CDH4: variants seen among roughly 807,000 people sequenced by gnomAD.
The protein encoded by CDH4 is cadherin-4.
Under a neutral mutation model 86.0 loss-of-function variants are expected in CDH4, and 33 were observed. That is an observed-to-expected ratio of 0.38 (90% CI 0.29 to 0.51). The LOEUF (loss-of-function observed/expected upper bound fraction) is 0.51. Ranked by LOEUF, CDH4 falls within the 20% of genes least tolerant of loss-of-function variation. The pLI is 0.86. For synonymous variants in CDH4, 555 were observed against 549.4 expected, an observed-to-expected ratio of 1.01 and a Z score of -0.14; for missense variants, 1,114 against 1,307.4, an observed-to-expected ratio of 0.85 and a Z score of 2.28.
chr20:61,654,771 G>C (rs1600844368), intron 2 of CDH4, among the ~76,000 whole-genome samples: 1 of 152,190 alleles, frequency 6.6e-6, no homozygotes, highest in East Asian at 1.9e-4. Flanking sequence ...AGGATGGCCA[G>C]CGCCAGTGGC....
chr20:61,438,510 C>A (rs1465563674), intron 2 of CDH4, among the ~76,000 whole-genome samples: 3 of 152,270 alleles, frequency 2.0e-5, no homozygotes, highest in East Asian at 3.9e-4. Context: ...AGACTTTTCT[C>A]TTTTATCAGG....
intron 2 of CDH4, among the ~76,000 whole-genome samples, chr20:61,532,816 A>T (rs2145643488): frequency 6.6e-6 from 1 of 152,288 alleles, no homozygotes; most frequent in East Asian, 1.9e-4. Flanking sequence ...TGTGTCCCGT[A>T]ACCAGTTCCC....
chr20:61,386,963 A>G (rs1163172615), intron 2 of CDH4, among the ~76,000 whole-genome samples: 1 of 152,266 alleles, frequency 6.6e-6, no homozygotes, highest in African/African-American at 2.4e-5. Context: ...TAAGCTGCCC[A>G]TGGGAGGAAC....
chr20:61,420,276 G>A (rs887055420), intron 2 of CDH4, among the ~76,000 whole-genome samples: 17 of 152,332 alleles, frequency 1.1e-4, no homozygotes, highest in South Asian at 2.1e-4. Context: ...GGTCAGCACC[G>A]GGGCCTGGAA....
chr20:61,792,969 GT>G (rs1979287434), intron 4 of CDH4, among the ~76,000 whole-genome samples: 1 of 150,852 alleles, frequency 6.6e-6, no homozygotes, highest in African/African-American at 2.4e-5. Context: ...TTTTGTTTTT[GT>G]TTTTGTTTTT....
At chr20:61,781,051 A>G (rs137975211) in intron 4 of CDH4, among the ~76,000 whole-genome samples, 113 of 152,368 alleles carry the variant, frequency 7.4e-4, no homozygotes, top group African/African-American at 2.7e-3. Context: ...CGAAGGACCC[A>G]GTGAAAGCAA....
chr20:61,875,118 C>A (rs553772818), intron 7 of CDH4, among the ~76,000 whole-genome samples: 1 of 152,184 alleles, frequency 6.6e-6, no homozygotes. Context: ...GCTGTGGGAC[C>A]CCCCGGGGCC....
At chr20:61,409,183 G>A (rs879681087) in intron 2 of CDH4, among the ~76,000 whole-genome samples, 7 of 152,130 alleles carry the variant, frequency 4.6e-5, no homozygotes, top group Admixed American at 1.3e-4. Flanking sequence ...GTGGCTGGGC[G>A]CCTCACCATG....
chr20:61,316,070 C>G (rs1244901932), intron 2 of CDH4, among the ~76,000 whole-genome samples: 7 of 152,094 alleles, frequency 4.6e-5, no homozygotes, highest in Admixed American at 3.9e-4. Context: ...TGGCAGCTTC[C>G]CTTTGAAGAC....
intron 3 of CDH4, among the ~76,000 whole-genome samples, chr20:61,759,608 ACTCTGGGAAAAAGT>A (rs761710530): frequency 2.9e-4 from 44 of 151,862 alleles, no homozygotes; most frequent in Non-Finnish European, 5.2e-4. Context: ...ACCACTAATG[ACTCTGGGAAAAAGT>A]AATACATTTT....
chr20:61,897,849 G>A (rs908226992), intron 8 of CDH4, among the ~76,000 whole-genome samples: 3 of 152,226 alleles, frequency 2.0e-5, no homozygotes, highest in African/African-American at 4.8e-5. Flanking sequence ...TGAGGAGTAC[G>A]CAGATATGTC....
intron 2 of CDH4, among the ~76,000 whole-genome samples, chr20:61,497,274 T>A (rs555516775): frequency 4.1e-4 from 62 of 152,310 alleles, no homozygotes; most frequent in African/African-American, 1.5e-3. Context: ...TTGTTTGCTC[T>A]GCTCTGTTTG....
intron 2 of CDH4, among the ~76,000 whole-genome samples, chr20:61,528,849 G>C (rs929593196): frequency 1.5e-5 from 2 of 132,064 alleles, no homozygotes; most frequent in Non-Finnish European, 3.1e-5. Flanking sequence ...TGATGATCTT[G>C]ATTTTTTTTT....
chr20:61,880,514 GAGA>G (rs1984229478), intron 7 of CDH4, among the ~76,000 whole-genome samples: 1 of 152,202 alleles, frequency 6.6e-6, no homozygotes, highest in African/African-American at 2.4e-5. Context: ...GGACAGCGGT[GAGA>G]AGGTGGACCC....
intron 2 of CDH4, among the ~76,000 whole-genome samples, chr20:61,722,051 G>T (rs1004699443): frequency 2.0e-4 from 30 of 152,194 alleles, no homozygotes; most frequent in Admixed American, 6.5e-4. Context: ...GTGAGAGAAA[G>T]AACAAACTGA....
intron 2 of CDH4, among the ~76,000 whole-genome samples, chr20:61,382,660 G>T (rs1053387794): frequency 6.6e-6 from 1 of 152,314 alleles, no homozygotes; most frequent in East Asian, 1.9e-4. Context: ...AGCTTCCGGG[G>T]AGGCCCCTGC....
chr20:61,727,440 C>T (rs577969901), intron 2 of CDH4, among the ~76,000 whole-genome samples: 2 of 152,330 alleles, frequency 1.3e-5, no homozygotes, highest in Admixed American at 1.3e-4. Context: ...CCATCACTGC[C>T]ACCATCATCA....
At chr20:61,897,574 GCA>G (rs1345002342) in intron 8 of CDH4, among the ~76,000 whole-genome samples, 2 of 152,174 alleles carry the variant, frequency 1.3e-5, no homozygotes, top group African/African-American at 2.4e-5. Context: ...CCACTGACCA[GCA>G]CTAAGCAGCC....
At chr20:61,834,312 T>TCTGGGGC (rs1169799340) in intron 4 of CDH4, among the ~76,000 whole-genome samples, 2 of 152,200 alleles carry the variant, frequency 1.3e-5, no homozygotes, top group Non-Finnish European at 2.9e-5. Context: ...TGGCCTAGGA[T>TCTGGGGC]CTGGGGCCTG....
Sources: allele counts gnomAD v4.1 joint callset (sites outside exome capture counted in the v4.1 genomes callset), GRCh38; gene constraint gnomAD v4.1.1; transcripts MANE v1.5; gene names NCBI Gene and HGNC (gene_info 2026-07-23, HGNC 2026-07-21).